Variants in PLPPR1 observed in about 807,000 individuals in gnomAD.
PLPPR1 encodes the protein phospholipid phosphatase related 1.
A neutral mutation model predicts 33.1 loss-of-function variants in PLPPR1; 10 were observed. The ratio of observed to expected loss-of-function variants is 0.30; its 90% CI spans 0.19 to 0.51. PLPPR1 has a LOEUF of 0.51. Ranked by LOEUF, PLPPR1 falls within the 20% of genes least tolerant of loss-of-function variation. The pLI is 0.97. For synonymous variants in PLPPR1, 151 were observed against 151.0 expected, an observed-to-expected ratio of 1.00 and a Z score of 0.00; for missense variants, 304 against 408.1, an observed-to-expected ratio of 0.74 and a Z score of 2.20.
At chr9:101,245,909 T>C (rs1248516466) in intron 2 of PLPPR1, among the ~76,000 whole-genome samples, 2 of 151,626 alleles carry the variant, frequency 1.3e-5, no homozygotes, top group African/African-American at 4.8e-5. Flanking sequence ...AATATTAATC[T>C]GCTAGGTTAT....
At chr9:101,053,930 T>C (rs1166924652) in intron 1 of PLPPR1, among the ~76,000 whole-genome samples, 1 of 152,136 alleles carries the variant, frequency 6.6e-6, no homozygotes, top group Non-Finnish European at 1.5e-5. Flanking sequence ...ACACCTGTAA[T>C]CCCAGTATTT....
At chr9:101,074,386 C>T (rs1029848100) in intron 1 of PLPPR1, among the ~76,000 whole-genome samples, 11 of 152,032 alleles carry the variant, frequency 7.2e-5, no homozygotes, top group Non-Finnish European at 1.2e-4. Context: ...AAGTGAGGTT[C>T]ATAGAGGTAA....
intron 7 of PLPPR1, 92 bp downstream of exon 7, chr9:101,317,588 C>A: frequency 8.0e-7 from 1 of 1,247,898 alleles, no homozygotes; most frequent in Non-Finnish European, 1.1e-6. Context: ...ATCTACCCAG[C>A]ATCAATGAGA....
chr9:101,108,958 T>C (rs1333333530), intron 1 of PLPPR1, among the ~76,000 whole-genome samples: 1 of 116,134 alleles, frequency 8.6e-6, no homozygotes, highest in Non-Finnish European at 1.7e-5. Flanking sequence ...TTGTCTTCAA[T>C]AATTTTTTTT....
chr9:101,172,702 T>C (rs1825960614), intron 1 of PLPPR1, among the ~76,000 whole-genome samples: 1 of 152,106 alleles, frequency 6.6e-6, no homozygotes, highest in Admixed American at 6.6e-5. Flanking sequence ...TCTGGAACTC[T>C]GCCTTGTGAA....
intron 2 of PLPPR1, among the ~76,000 whole-genome samples, chr9:101,205,653 T>A (rs1011062113): frequency 6.6e-6 from 1 of 152,220 alleles, no homozygotes; most frequent in Non-Finnish European, 1.5e-5. Flanking sequence ...AAGAGCTCTG[T>A]CATGTCATAG....
chr9:101,324,011 T>C lies in PLPPR1; in HGVS notation c.946-14T>C. ...CCCTATCTCAGATTTTATCTGCTTG[T>C]GTTTGCTCCACAGAATCACTCTGCG... On this transcript the variant is annotated splice_polypyrimidine_tract_variant and intron_variant, in intron 7 of 7. Transcript: ENST00000374874. 26 of 1,611,842 alleles carry C rather than the reference T, an allele frequency of 1.6e-5. No individual in the cohort carries two copies. The highest frequency in any genetic ancestry group is 2.1e-5 in the Non-Finnish European group (25 of 1,178,164).
chr9:101,304,141 A>C (rs1374393690), intron 4 of PLPPR1, among the ~76,000 whole-genome samples: 1 of 152,196 alleles, frequency 6.6e-6, no homozygotes, highest in East Asian at 1.9e-4. Flanking sequence ...TTTAATGATC[A>C]CTTATTTTCT....
At chr9:101,161,178 G>A (rs990140161) in intron 1 of PLPPR1, among the ~76,000 whole-genome samples, 1 of 152,118 alleles carries the variant, frequency 6.6e-6, no homozygotes, top group African/African-American at 2.4e-5. Context: ...CAAGCTGTAA[G>A]AGTATTTTGT....
intron 2 of PLPPR1, among the ~76,000 whole-genome samples, chr9:101,210,854 G>C (rs917664435): frequency 6.6e-6 from 1 of 152,144 alleles, no homozygotes; most frequent in Non-Finnish European, 1.5e-5. Flanking sequence ...TGCAAGCTCC[G>C]CCTCCTGGGT....
At chr9:101,172,746 T>G (rs1048519035) in intron 1 of PLPPR1, among the ~76,000 whole-genome samples, 1 of 152,056 alleles carries the variant, frequency 6.6e-6, no homozygotes, top group Non-Finnish European at 1.5e-5. Flanking sequence ...CATTCCCAGC[T>G]CTATCTACCC....
chr9:101,124,880 A>G (rs1488175159), intron 1 of PLPPR1, among the ~76,000 whole-genome samples: 1 of 152,252 alleles, frequency 6.6e-6, no homozygotes. Flanking sequence ...AACGAATGGA[A>G]TGCTTGTGCC....
intron 1 of PLPPR1, among the ~76,000 whole-genome samples, chr9:101,087,505 G>A (rs923392443): frequency 4.6e-5 from 7 of 152,208 alleles, no homozygotes; most frequent in African/African-American, 9.6e-5. Context: ...TTTATAAAAT[G>A]TAGGATAAAT....
chr9:101,155,159 T>C (rs1831662205), intron 1 of PLPPR1, among the ~76,000 whole-genome samples: 1 of 152,176 alleles, frequency 6.6e-6, no homozygotes, highest in Non-Finnish European at 1.5e-5. Flanking sequence ...ACAGTCTATT[T>C]GCTTGTTTTC....
chr9:101,153,575 C>G (rs553693678), intron 1 of PLPPR1, among the ~76,000 whole-genome samples: 2 of 152,004 alleles, frequency 1.3e-5, no homozygotes, highest in Admixed American at 1.3e-4. Flanking sequence ...CCATCAATAC[C>G]TAATTTATTT....
chr9:101,224,996 T>C (rs141132867), intron 2 of PLPPR1, among the ~76,000 whole-genome samples: 4 of 152,196 alleles, frequency 2.6e-5, no homozygotes, highest in African/African-American at 9.7e-5. Flanking sequence ...ATTAAAAGCA[T>C]TTTGATATCT....
intron 1 of PLPPR1, among the ~76,000 whole-genome samples, chr9:101,118,609 G>C (rs1588035616): frequency 6.6e-6 from 1 of 152,156 alleles, no homozygotes; most frequent in Non-Finnish European, 1.5e-5. Context: ...AGTTAAGGAA[G>C]GTAGGGGAAA....
intron 1 of PLPPR1, among the ~76,000 whole-genome samples, chr9:101,128,191 T>C (rs1023600055): frequency 6.6e-6 from 1 of 152,120 alleles, no homozygotes; most frequent in Non-Finnish European, 1.5e-5. Context: ...GGGACCATAG[T>C]TTTAAAGAAC....
intron 2 of PLPPR1, among the ~76,000 whole-genome samples, chr9:101,216,138 A>G (rs549934692): frequency 7.5e-4 from 114 of 152,196 alleles, no homozygotes; most frequent in Admixed American, 1.4e-3. Context: ...TTTTCTCTAC[A>G]TCCTTGCCAG....
Sources: gnomAD v4.1 joint callset for allele counts (sites outside exome capture counted in the v4.1 genomes callset) on GRCh38, gnomAD v4.1.1 for gene constraint, MANE v1.5 for transcripts, NCBI Gene and HGNC (gene_info 2026-07-23, HGNC 2026-07-21) for gene names.